MARCHF1: variants seen among roughly 807,000 people sequenced by gnomAD.
MARCHF1 encodes E3 ubiquitin-protein ligase MARCHF1.
Under a neutral mutation model 54.2 loss-of-function variants are expected in MARCHF1, and 40 were observed. The ratio of observed to expected loss-of-function variants is 0.74; its 90% CI spans 0.57 to 0.96. The LOEUF is 0.96. MARCHF1 is among the 40% of genes least tolerant of loss of function. The pLI is 0.00. For missense variants in MARCHF1, 586 were observed against 656.5 expected, an observed-to-expected ratio of 0.89 and a Z score of 1.17; for synonymous variants, 236 against 236.3, an observed-to-expected ratio of 1.00 and a Z score of 0.01.
intron 4 of MARCHF1, among the ~76,000 whole-genome samples, chr4:163,723,367 C>T (rs995069442): frequency 6.6e-6 from 1 of 152,178 alleles, no homozygotes; most frequent in Non-Finnish European, 1.5e-5. Context: ...TCTCTTCTGG[C>T]TTGTAGAGTT....
At chr4:163,943,980 T>A (rs1408844158) in intron 3 of MARCHF1, among the ~76,000 whole-genome samples, 1 of 152,032 alleles carries the variant, frequency 6.6e-6, no homozygotes, top group Non-Finnish European at 1.5e-5. Flanking sequence ...TTGTTTTGTT[T>A]TTTTTGAGAC....
intron 1 of MARCHF1, among the ~76,000 whole-genome samples, chr4:164,293,192 G>T (rs1200360794): frequency 6.6e-6 from 1 of 151,894 alleles, no homozygotes; most frequent in Non-Finnish European, 1.5e-5. Flanking sequence ...TTGAATTTCT[G>T]CATAGCAAAC....
chr4:163,707,349 C>G (rs572005580), intron 4 of MARCHF1, among the ~76,000 whole-genome samples: 20 of 151,896 alleles, frequency 1.3e-4, no homozygotes, highest in Non-Finnish European at 2.5e-4. Flanking sequence ...CTGCTTTTGT[C>G]TATTCACAAG....
At chr4:163,797,872 CTT>C (rs137981723) in intron 4 of MARCHF1, among the ~76,000 whole-genome samples, 3,623 of 152,142 alleles carry the variant, frequency 0.024, 65 homozygotes, top group East Asian at 0.073. Flanking sequence ...TTTCTTTTCT[CTT>C]GTTTTCTGCT....
At chr4:163,997,358 T>G (rs1346224285) in intron 2 of MARCHF1, among the ~76,000 whole-genome samples, 1 of 151,986 alleles carries the variant, frequency 6.6e-6, no homozygotes, top group Non-Finnish European at 1.5e-5. Flanking sequence ...AACATATATT[T>G]CCTAAGTCTT....
intron 5 of MARCHF1, among the ~76,000 whole-genome samples, chr4:163,649,192 T>C (rs1742875631): frequency 6.6e-6 from 1 of 152,022 alleles, no homozygotes; most frequent in South Asian, 2.1e-4. Context: ...TTAGACTGGA[T>C]ATTCCATTAA....
chr4:163,919,464 TAAG>T (rs1441713750), intron 3 of MARCHF1, among the ~76,000 whole-genome samples: 1 of 151,938 alleles, frequency 6.6e-6, no homozygotes, highest in Non-Finnish European at 1.5e-5. Flanking sequence ...ACAAAGGACA[TAAG>T]AATTACAATG....
At chr4:164,293,180 T>A (rs1579695356) in intron 1 of MARCHF1, among the ~76,000 whole-genome samples, 1 of 152,114 alleles carries the variant, frequency 6.6e-6, no homozygotes, top group East Asian at 1.9e-4. Context: ...ATAGCCTATA[T>A]CTTGAATTTC....
intron 5 of MARCHF1, among the ~76,000 whole-genome samples, chr4:163,644,705 G>T (rs775573999): frequency 2.6e-4 from 40 of 152,146 alleles, no homozygotes; most frequent in Non-Finnish European, 5.1e-4. Flanking sequence ...AAAAAACCAA[G>T]GAACTCAGCT....
intron 5 of MARCHF1, among the ~76,000 whole-genome samples, chr4:163,627,028 T>A (rs990933647): frequency 6.6e-6 from 1 of 152,222 alleles, no homozygotes. Context: ...TAATGTCTAA[T>A]AAAGATAAAT....
At chr4:163,838,341 T>C (rs1391719047) in intron 4 of MARCHF1, among the ~76,000 whole-genome samples, 3 of 152,112 alleles carry the variant, frequency 2.0e-5, no homozygotes, top group Admixed American at 2.0e-4. Context: ...AAATAGTTGT[T>C]ATACCATATT....
In MARCHF1 at chr4:163,654,728, C is replaced by G. The variant is rs190268394; in HGVS notation, c.163-41335G>C. Among the ~76,000 whole-genome samples, 278 of 151,692 alleles carry G rather than the reference C, an allele frequency of 1.8e-3. 1 individual carries two copies. The highest frequency in any genetic ancestry group is 6.5e-3 in the African/African-American group (270 of 41,470). On this transcript the variant is annotated intron_variant, in intron 5 of 9. Coordinates refer to ENST00000514618, the MANE Select transcript of MARCHF1 (RefSeq NM_001394959.1). ...TTTCTTCTATCTATTTACTTTCGATCATCAGTGTCTTTCTTAGACTTTAGG... is the reference window on the plus strand; with the variant it reads ...TTTCTTCTATCTATTTACTTTCGATGATCAGTGTCTTTCTTAGACTTTAGG...
rs1322484026 is a variant in MARCHF1, at chr4:163,960,089, G to A, written c.-39+28412C>T. Among the ~76,000 whole-genome samples the A allele has an allele frequency of 4.6e-5, 7 of 151,966 alleles. No individual in the cohort carries two copies. In the East Asian group the frequency reaches 9.7e-4, roughly 21 times the overall value. ...ATCACTGATCGTTAGAGAAATGCAC[G>A]TCAAAACCACAGTGAGATACCATCT... On this transcript the variant is annotated intron_variant, in intron 3 of 9. Coordinates refer to ENST00000514618, the MANE Select transcript of MARCHF1 (RefSeq NM_001394959.1).
intron 1 of MARCHF1, among the ~76,000 whole-genome samples, chr4:164,363,522 G>A (rs951564569): frequency 2.6e-5 from 4 of 152,034 alleles, no homozygotes; most frequent in African/African-American, 9.7e-5. Context: ...GGATAGTGTC[G>A]ATTGACGAAA....
intron 2 of MARCHF1, among the ~76,000 whole-genome samples, chr4:164,056,452 G>T (rs80017119): frequency 0.02 from 3,090 of 152,210 alleles, 95 homozygotes; most frequent in East Asian, 0.17. Context: ...TCTCACTTGG[G>T]TTCCTTTACT....
chr4:163,792,030 G>A (rs558491062), intron 4 of MARCHF1, among the ~76,000 whole-genome samples: 2 of 152,288 alleles, frequency 1.3e-5, no homozygotes, highest in East Asian at 3.9e-4. Flanking sequence ...TGGTGCTGAA[G>A]CCATAATGTC....
chr4:163,903,218 T>C (rs1306105014), intron 3 of MARCHF1, among the ~76,000 whole-genome samples: 2 of 142,258 alleles, frequency 1.4e-5, no homozygotes, highest in Admixed American at 1.5e-4. Context: ...TTTTAATTTA[T>C]CTCTGATCTT....
chr4:163,990,980 T>A (rs1752957303), intron 2 of MARCHF1, among the ~76,000 whole-genome samples: 1 of 152,220 alleles, frequency 6.6e-6, no homozygotes. Flanking sequence ...CTTAATCCTT[T>A]ACCTCATTAT....
At chr4:164,145,608 G>A (rs1333407652) in intron 1 of MARCHF1, among the ~76,000 whole-genome samples, 2 of 152,094 alleles carry the variant, frequency 1.3e-5, no homozygotes, top group African/African-American at 2.4e-5. Context: ...AAAGGCCTTC[G>A]ACAAAATTCA....
Sources: allele counts gnomAD v4.1 joint callset (sites outside exome capture counted in the v4.1 genomes callset), GRCh38; gene constraint gnomAD v4.1.1; transcripts MANE v1.5; gene names NCBI Gene and HGNC (gene_info 2026-07-23, HGNC 2026-07-21).